MRPL10: variants seen among roughly 807,000 people sequenced by gnomAD.
The protein encoded by MRPL10 is large ribosomal subunit protein uL10m.
MRPL10 carries 14 observed loss-of-function variants against 19.8 expected under a neutral mutation model. That is an observed-to-expected ratio of 0.71 (90% CI 0.47 to 1.11). The LOEUF (loss-of-function observed/expected upper bound fraction) is 1.11, where lower values mean the gene tolerates loss of function less well. MRPL10 is among the 50% of genes least tolerant of loss of function. The pLI, the probability that MRPL10 is intolerant of heterozygous loss-of-function variation, is 0.00. For synonymous variants in MRPL10, 129 were observed against 139.2 expected, an observed-to-expected ratio of 0.93 and a Z score of 0.52; for missense variants, 318 against 339.6, an observed-to-expected ratio of 0.94 and a Z score of 0.50.
intron 1 of MRPL10, 99 bp downstream of exon 1, chr17:47,831,361 G>A (rs1239727453): frequency 6.5e-7 from 1 of 1,541,162 alleles, no homozygotes; most frequent in Non-Finnish European, 8.7e-7. Flanking sequence ...CGATCTAGCT[G>A]GGGTCAGAGA....
intron 1 of MRPL10, 38 bp downstream of exon 1, chr17:47,831,422 C>T (rs1462377202): frequency 6.5e-7 from 1 of 1,547,828 alleles, no homozygotes; most frequent in South Asian, 1.2e-5. Flanking sequence ...TAGAGAGCGG[C>T]CGCAAGACAC....
chr17:47,829,296 A>AGGAC (rs1555633914), intron 1 of MRPL10: 15 of 150,124 alleles, frequency 1.0e-4, no homozygotes, highest in South Asian at 2.0e-4. Context: ...GAAGGAAGGA[A>AGGAC]AGAGAGAGAG....
chr17:47,828,607 A>G lies in MRPL10; in HGVS notation c.116T>C (p.Val39Ala). ...CAGCTTCTGCCGCTGAAAGTGCATC[A>G]CACGACGGTGGCGGGTAACAGCCTT... ...GSKAVTRHRR[V>A]MHFQRQKLMA... Residue 39 changes from valine (V) to alanine (A), a missense_variant, in exon 2 of 5, where the codon GTG becomes GCG. By Grantham distance (64) the Val-to-Ala change is moderately conservative. Transcript: ENST00000351111. The G allele has an allele frequency of 6.6e-7, 1 of 1,523,208 alleles. No individual in the cohort carries two copies. Among genetic ancestry groups the G allele is most frequent in the Non-Finnish European group, 8.7e-7 (1 of 1,144,028 alleles). The allele number at this position is 1,523,208 out of a possible 1,614,324, so 94.4% of individuals were successfully genotyped here.
Position 47,823,884 on chromosome 17 carries a change from C to G in MRPL10, c.*321G>C. ...CCCCAAGGGGGTGGGCTCAGGAGCC[C>G]GTGCAGCAAGAGGCAGTGACCAAGG... On this transcript the variant is annotated 3_prime_UTR_variant, in exon 5 of 5. Transcript: ENST00000351111. 5.4e-6 allele frequency: 2 copies of G among 373,598 alleles called. No individual in the cohort carries two copies. The highest frequency in any genetic ancestry group is 1.0e-5 in the Non-Finnish European group (2 of 200,110). The allele number at this position is 373,598 out of a possible 1,614,324, so 23.1% of individuals were successfully genotyped here.
intron 1 of MRPL10, among the ~76,000 whole-genome samples, chr17:47,828,986 A>T (rs895501745): frequency 6.6e-6 from 1 of 152,164 alleles, no homozygotes; most frequent in African/African-American, 2.4e-5. Context: ...GTGGGGGCTG[A>T]GTGTGGTGGC....
intron 1 of MRPL10, among the ~76,000 whole-genome samples, chr17:47,830,804 C>A (rs570910328): frequency 6.6e-6 from 1 of 152,318 alleles, no homozygotes; most frequent in Non-Finnish European, 1.5e-5. Flanking sequence ...CCGCGCCCAG[C>A]CGAAACTGGA....
chr17:47,826,076 G>A (rs1271532617), intron 4 of MRPL10, among the ~76,000 whole-genome samples: 6 of 149,534 alleles, frequency 4.0e-5, no homozygotes, highest in African/African-American at 1.5e-4. Context: ...GAACCCAGGA[G>A]ACAGAGGTTG....
chr17:47,824,831 T>A (rs559020314), intron 4 of MRPL10, among the ~76,000 whole-genome samples: 1 of 151,070 alleles, frequency 6.6e-6, no homozygotes, highest in East Asian at 2.0e-4. Context: ...CTGGCCAACA[T>A]GGAGAAACCC....
chr17:47,830,089 C>T (rs2033602533), intron 1 of MRPL10, among the ~76,000 whole-genome samples: 1 of 152,162 alleles, frequency 6.6e-6, no homozygotes, highest in Non-Finnish European at 1.5e-5. Context: ...CCTGGTGATG[C>T]TGACGCATGC....
At position 47,824,299 on chromosome 17, in the gene MRPL10, G is replaced by A; in HGVS notation, c.692C>T (p.Thr231Ile). The change falls in exon 5 of 5, where the codon ACC becomes ATC. Residue 231 changes from threonine (T) to isoleucine (I), a missense_variant. Transcript: ENST00000351111. ...CTCTCTGATGTACTGGTCCAACAGG[G>A]TGGTCAGCTGGAGGGGCTGGTGCTG... The part of the protein sequence containing the change: ...LLQHQPLQLT[T>I]LLDQYIREQR... 1 of 1,614,188 alleles carries A rather than the reference G, an allele frequency of 6.2e-7. No homozygotes were observed. The highest frequency in any genetic ancestry group is 8.5e-7 in the Non-Finnish European group (1 of 1,180,036).
chr17:47,823,661 C>G lies in MRPL10; in HGVS notation c.*544G>C, dbSNP rs568287110. ...CTTGGTTCAAGTCCCTGTTCTGCCA[C>G]TTACTAACTGCATGACCTTGAGCAA... On this transcript the variant is annotated 3_prime_UTR_variant, in exon 5 of 5. Coordinates refer to ENST00000351111, the MANE Select transcript of MRPL10 (RefSeq NM_145255.4). The G allele has an allele frequency of 6.3e-5, 10 of 159,250 alleles. No individual in the cohort carries two copies. The highest frequency in any genetic ancestry group is 6.5e-3 in the Middle Eastern group (2 of 308). The allele number at this position is 159,250 out of a possible 1,614,324, so 9.9% of individuals were successfully genotyped here.
rs1379784228 is a variant in MRPL10 at position 47,823,760 on chromosome 17, A to C, written c.*445T>G. 2 of 242,100 alleles carry C rather than the reference A, an allele frequency of 8.3e-6. No individual in the cohort carries two copies. The highest frequency in any genetic ancestry group is 2.3e-5 in the African/African-American group (1 of 42,788). The allele number at this position is 242,100 out of a possible 1,614,324, so 15.0% of individuals were successfully genotyped here. ...CAGCAGTAAAGGAACTAATACATGT[A>C]CAGCACTCAGCACAAAGCCTGGCAC... is the stretch of plus-strand genomic sequence containing the variant. On this transcript the variant is annotated 3_prime_UTR_variant, in exon 5 of 5. Coordinates refer to ENST00000351111, the MANE Select transcript of MRPL10 (RefSeq NM_145255.4).
chr17:47,828,231 A>G, intron 2 of MRPL10: 1 of 308,138 alleles, frequency 3.2e-6, no homozygotes, highest in Non-Finnish European at 5.9e-6. Flanking sequence ...TTGGAGAGAT[A>G]CTCTCCCCAG....
At position 47,823,796 on chromosome 17, in the gene MRPL10, C is replaced by T. The variant is rs977313115; in HGVS notation, c.*409G>A. ...CACAAAGCCTGGCACACAGCAGGCT[C>T]TCACCAGGTGCCATTCTCAGCACAA... On this transcript the variant is annotated 3_prime_UTR_variant, in exon 5 of 5. Transcript: ENST00000351111. 2 of 285,994 alleles carry T rather than the reference C, an allele frequency of 7.0e-6. No individual in the cohort carries two copies. The highest frequency in any genetic ancestry group is 1.2e-4 in the East Asian group (1 of 8,610). 17.7% of individuals were successfully genotyped at this position (285,994 alleles called of 1,614,324 possible).
intron 4 of MRPL10, among the ~76,000 whole-genome samples, chr17:47,825,078 C>T (rs1429916134): frequency 6.6e-6 from 1 of 150,700 alleles, no homozygotes; most frequent in African/African-American, 2.4e-5. Flanking sequence ...CCTGTAATCC[C>T]AGCACTTTGG....
intron 1 of MRPL10, among the ~76,000 whole-genome samples, chr17:47,830,194 CA>C (rs1350396196): frequency 2.0e-5 from 3 of 152,238 alleles, no homozygotes; most frequent in Non-Finnish European, 4.4e-5. Flanking sequence ...TCACAGCTCT[CA>C]GACAAGTTTC....
Position 47,824,331 on chromosome 17 carries a change from G to T in MRPL10, c.660C>A (p.Ser220=). The T allele has an allele frequency of 1.2e-6, 2 of 1,614,106 alleles. No individual in the cohort carries two copies. Among genetic ancestry groups the T allele is most frequent in the Non-Finnish European group, 1.7e-6 (2 of 1,179,988 alleles). ...GLTCLTAQTH[S]LLQHQPLQLT... ...GCTGGAGGGGCTGGTGCTGGAGCAG[G>T]GAGTGGGTCTGGGCTGTGAGGCAGG... The change falls in exon 5 of 5, where the codon TCC becomes TCA. Residue 220 remains serine, a synonymous_variant. Transcript: ENST00000351111.
chr17:47,824,562 C>T, intron 4 of MRPL10, 104 bp from the exon 5 acceptor site: 6 of 1,378,908 alleles, frequency 4.4e-6, no homozygotes, highest in Non-Finnish European at 5.8e-6. Context: ...TTCTCAAAAT[C>T]CTGCCTTCCC....
intron 1 of MRPL10, 77 bp from the exon 2 acceptor site, chr17:47,828,747 A>G: frequency 5.8e-6 from 7 of 1,204,256 alleles, no homozygotes; most frequent in Non-Finnish European, 3.3e-6. Flanking sequence ...GAAAAAACAC[A>G]CCCTCTAGCA....
Sources: allele counts gnomAD v4.1 joint callset (sites outside exome capture counted in the v4.1 genomes callset), GRCh38; gene constraint gnomAD v4.1.1; transcripts MANE v1.5; gene names NCBI Gene and HGNC (gene_info 2026-07-23, HGNC 2026-07-21).